CACNA1C: variants seen among roughly 807,000 people sequenced by gnomAD.
CACNA1C encodes calcium voltage-gated channel subunit alpha1 C.
In CACNA1C, 30 loss-of-function variants were observed where a neutral mutation model predicts 229.0. The ratio of observed to expected loss-of-function variants is 0.13; its 90% CI spans 0.10 to 0.18. CACNA1C has a LOEUF of 0.18. Ranked by LOEUF, CACNA1C falls within the 10% of genes least tolerant of loss-of-function variation. CACNA1C has a pLI of 1.00. For missense variants in CACNA1C, 1,658 were observed against 2,845.0 expected, an observed-to-expected ratio of 0.58 and a Z score of 9.49; for synonymous variants, 1,114 against 1,132.5, an observed-to-expected ratio of 0.98 and a Z score of 0.33.
At chr12:2,556,530 G>C (rs1202841206) in intron 10 of CACNA1C, among the ~76,000 whole-genome samples, 1 of 152,152 alleles carries the variant, frequency 6.6e-6, no homozygotes, top group Non-Finnish European at 1.5e-5. Flanking sequence ...ACTCTAGCTG[G>C]GCTCTGGCAG....
Position 2,287,062 on chromosome 12 carries a change from G to A in CACNA1C, c.478-161914G>A, listed in dbSNP as rs768371691. ...TCTGGCTGACTGTCCCAATTACCCC[G>A]GGCCCAGAGGTGGGAGGTCCCACAG... On this transcript the variant is annotated intron_variant, in intron 3 of 46. Coordinates refer to ENST00000399655, the MANE Select transcript of CACNA1C (RefSeq NM_000719.7). The surrounding 1 kb of genome is among the most constrained non-coding windows in gnomAD (Gnocchi z 4.6). Among the ~76,000 whole-genome samples, 6 of 152,186 alleles carry A rather than the reference G, an allele frequency of 3.9e-5. No homozygotes were observed. The highest frequency in any genetic ancestry group is 2.1e-4 in the South Asian group (1 of 4,834).
chr12:2,643,722 C>T (rs1332550103), intron 30 of CACNA1C, among the ~76,000 whole-genome samples: 2 of 152,184 alleles, frequency 1.3e-5, no homozygotes, highest in African/African-American at 2.4e-5. Context: ...CCCCCACACA[C>T]ACCCTTAACC....
In CACNA1C at chr12:2,651,675, C is replaced by T. The variant is rs377602075; in HGVS notation, c.3981C>T (p.Phe1327=). ...AEENSRISIT[F]FRLFRVMRLV... is the part of the protein sequence containing the mutation. Reference sequence around the variant, plus strand: ...AAAACTCCCGCATCTCCATCACCTTCTTCCGCCTGTTCCGGGTCATGCGTC... The same window carrying T: ...AAAACTCCCGCATCTCCATCACCTTTTTCCGCCTGTTCCGGGTCATGCGTC... The change falls in exon 32 of 47, where the codon TTC becomes TTT. Residue 1327 remains phenylalanine, a synonymous_variant. Transcript: ENST00000399655. The surrounding 1 kb of genome is among the most constrained non-coding windows in gnomAD (Gnocchi z 5.4). The T allele has an allele frequency of 1.9e-6, 3 of 1,613,990 alleles. No individual in the cohort carries two copies. In the African/African-American group the frequency reaches 4.0e-5, roughly 22 times the overall value.
intron 1 of CACNA1C, among the ~76,000 whole-genome samples, chr12:2,040,995 G>C (rs1228085275): frequency 1.3e-5 from 2 of 152,144 alleles, no homozygotes; most frequent in Non-Finnish European, 2.9e-5. Flanking sequence ...TGTCTTCTAG[G>C]CTGTAAATGA....
chr12:1,971,136 A>T lies in CACNA1C; in HGVS notation c.74A>T (p.Glu25Val), dbSNP rs1402296901. The change falls in exon 1 of 47, where the codon GAG becomes GTG. Residue 25 changes from glutamate (E) to valine (V), a missense_variant. Physicochemically the swap from Glu to Val is moderately radical, Grantham distance 121. Coordinates refer to the CACNA1C transcript ENST00000682462. The surrounding 1 kb of genome is among the most constrained non-coding windows in gnomAD (Gnocchi z 4.2). ...CCCAGCCACCTGTCTGCCAACACGG[A>T]GGTCAAGTTTAAGGGTACTTTGGTG... 7.8e-7 allele frequency: 1 copy of T among 1,289,386 alleles called. No homozygotes were observed. Among genetic ancestry groups the T allele is most frequent in the Admixed American group, 2.3e-5 (1 of 43,560 alleles). 79.9% of individuals were successfully genotyped at this position (1,289,386 alleles called of 1,614,324 possible).
At chr12:2,081,507 C>T (rs1160218021) in intron 1 of CACNA1C, among the ~76,000 whole-genome samples, 1 of 151,678 alleles carries the variant, frequency 6.6e-6, no homozygotes, top group African/African-American at 2.4e-5. Flanking sequence ...GGAGGTGGAG[C>T]TTGCAGTGAG....
chr12:2,294,309 G>A (rs771008538), intron 3 of CACNA1C, among the ~76,000 whole-genome samples: 6 of 152,086 alleles, frequency 3.9e-5, no homozygotes, highest in Admixed American at 6.5e-5. Flanking sequence ...AAGGAAGAGC[G>A]TGGCCCATAG....
At chr12:2,415,127 A>G (rs1007585325) in intron 3 of CACNA1C, among the ~76,000 whole-genome samples, 3 of 152,188 alleles carry the variant, frequency 2.0e-5, no homozygotes, top group African/African-American at 7.2e-5. Flanking sequence ...CAGGGTGGCG[A>G]GGGGGCTCAC....
intron 5 of CACNA1C, among the ~76,000 whole-genome samples, chr12:2,459,171 T>TTTTTTTTTTTTTTTTG (rs2099477129): frequency 9.5e-5 from 1 of 10,530 alleles, no homozygotes; most frequent in Non-Finnish European, 2.0e-4. Flanking sequence ...TTGTGTGTGT[T>TTTTTTTTTTTTTTTTG]TTTTTTTTTT....
chr12:2,184,086 C>T (rs1392863232), intron 3 of CACNA1C, among the ~76,000 whole-genome samples: 2 of 152,182 alleles, frequency 1.3e-5, no homozygotes, highest in East Asian at 3.9e-4. Flanking sequence ...CATCCCATCC[C>T]CCACTGCCTG....
intron 1 of CACNA1C, among the ~76,000 whole-genome samples, chr12:2,083,408 G>A (rs749776533): frequency 1.3e-5 from 2 of 152,164 alleles, no homozygotes; most frequent in Admixed American, 6.5e-5. Flanking sequence ...AGAGCATTTC[G>A]ACTCTCCCAG....
intron 1 of CACNA1C, among the ~76,000 whole-genome samples, chr12:2,114,066 C>T (rs2082842717): frequency 6.6e-6 from 1 of 152,220 alleles, no homozygotes; most frequent in Non-Finnish European, 1.5e-5. Context: ...CAAAGTGGCT[C>T]ACAACAGCAG....
At chr12:2,532,268 A>G (rs561902030) in intron 9 of CACNA1C, among the ~76,000 whole-genome samples, 5 of 152,234 alleles carry the variant, frequency 3.3e-5, no homozygotes, top group African/African-American at 9.6e-5. Context: ...CACTGAGCAG[A>G]GAGGAGCTCT....
chr12:2,535,466 A>G (rs1375950859), intron 9 of CACNA1C, among the ~76,000 whole-genome samples: 1 of 151,660 alleles, frequency 6.6e-6, no homozygotes, highest in Non-Finnish European at 1.5e-5. Context: ...TGGGAGGGCG[A>G]GGTGGGATGA....
At chr12:2,438,266 G>T (rs1321137170) in intron 3 of CACNA1C, among the ~76,000 whole-genome samples, 7 of 145,090 alleles carry the variant, frequency 4.8e-5, no homozygotes, top group Admixed American at 4.1e-4. Context: ...GGTGATGGTG[G>T]TGGTGGTAAT....
chr12:2,248,444 T>C (rs2074245127), intron 3 of CACNA1C, among the ~76,000 whole-genome samples: 1 of 152,224 alleles, frequency 6.6e-6, no homozygotes, highest in East Asian at 1.9e-4. Context: ...GGGCTCCATT[T>C]TCCAGTATTT....
At chr12:2,420,140 TG>T (rs1300500210) in intron 3 of CACNA1C, among the ~76,000 whole-genome samples, 1 of 150,046 alleles carries the variant, frequency 6.7e-6, no homozygotes, top group Non-Finnish European at 1.5e-5. Flanking sequence ...TGTGTGTGTG[TG>T]TGTGTGTAGG....
chr12:2,484,721 A>G (rs897084132), intron 5 of CACNA1C, among the ~76,000 whole-genome samples: 4 of 119,516 alleles, frequency 3.3e-5, no homozygotes, highest in Non-Finnish European at 6.6e-5. Flanking sequence ...CCCCCAGCAG[A>G]TGCCCTGAAA....
At chr12:2,596,539 G>A (rs955127727) in intron 20 of CACNA1C, among the ~76,000 whole-genome samples, 1 of 152,236 alleles carries the variant, frequency 6.6e-6, no homozygotes, top group Non-Finnish European at 1.5e-5. Context: ...AACCAAGTGG[G>A]CATGAAGACA....
Sources: gnomAD v4.1 joint callset for allele counts (sites outside exome capture counted in the v4.1 genomes callset) on GRCh38, gnomAD v4.1.1 for gene constraint, Gnocchi (gnomAD v3.1) non-coding constraint, MANE v1.5 for transcripts, NCBI Gene and HGNC (gene_info 2026-07-23, HGNC 2026-07-21) for gene names.